Variants in RPS6KA4 observed in about 807,000 individuals in gnomAD.
RPS6KA4 encodes ribosomal protein S6 kinase A4, also known as ribosomal protein S6 kinase alpha-4.
A neutral mutation model predicts 89.6 loss-of-function variants in RPS6KA4; 38 were observed. That is an observed-to-expected ratio of 0.42 (90% CI 0.33 to 0.56). The LOEUF is 0.56. Ranked by LOEUF, RPS6KA4 falls within the 20% of genes least tolerant of loss-of-function variation. The pLI is 0.07. For synonymous variants in RPS6KA4, 495 were observed against 492.8 expected, an observed-to-expected ratio of 1.00 and a Z score of -0.06; for missense variants, 873 against 1,098.8, an observed-to-expected ratio of 0.79 and a Z score of 2.90.
chr11:64,361,053 T>C lies in RPS6KA4; in HGVS notation c.463-81T>C. ...GATGACTTTCTCTGGGGGGTCTCCT[T>C]ATCCTGAGCAGGGCCAGGAGCTGGA... On this transcript the variant is annotated intron_variant, in intron 4 of 16. Coordinates refer to ENST00000334205, the MANE Select transcript of RPS6KA4 (RefSeq NM_003942.3). The surrounding 1 kb of genome is among the most constrained non-coding windows in gnomAD (Gnocchi z 4.7). 8.2e-7 allele frequency: 1 copy of C among 1,221,054 alleles called. No homozygotes were observed. The highest frequency in any genetic ancestry group is 1.2e-6 in the Non-Finnish European group (1 of 850,954). The allele number at this position is 1,221,054 out of a possible 1,614,324, so 75.6% of individuals were successfully genotyped here.
At chr11:64,360,949 GGGC>G (rs2036729577) in intron 4 of RPS6KA4, 182 bp from the exon 5 acceptor site, 1 of 582,054 alleles carries the variant, frequency 1.7e-6, no homozygotes, top group Non-Finnish European at 3.0e-6. Context: ...CTGATCCACG[GGGC>G]CCTCCTTCTT....
chr11:64,359,172 G>A lies in RPS6KA4; in HGVS notation c.-64G>A, dbSNP rs544788623. On this transcript the variant is annotated 5_prime_UTR_variant, in exon 1 of 17. Coordinates refer to ENST00000334205, the MANE Select transcript of RPS6KA4 (RefSeq NM_003942.3). ...CACCAGGAAGCGCCCGCCCCGGCCG[G>A]AGCCGCCATGTAACCGGCGCCGCCC... 1,551 of 1,220,646 alleles carry A rather than the reference G, an allele frequency of 1.3e-3. 16 individuals carry two copies. The African/African-American group carries it at 0.023, about 18-fold the overall frequency. 75.6% of individuals were successfully genotyped at this position (1,220,646 alleles called of 1,614,324 possible).
chr11:64,371,376 A>T lies in RPS6KA4; in HGVS notation c.2215A>T (p.Thr739Ser). Residue 739 changes from threonine (T) to serine (S), a missense_variant, in exon 17 of 17, where the codon ACC (threonine) becomes TCC (serine). Coordinates refer to ENST00000334205, the MANE Select transcript of RPS6KA4 (RefSeq NM_003942.3). Reference sequence around the variant, plus strand: ...GCGGAAGCAGAAGCTGCGGAGCGCCACCGCCTCCCGCCGGGGCTCCCCTGC... The same window carrying T: ...GCGGAAGCAGAAGCTGCGGAGCGCCTCCGCCTCCCGCCGGGGCTCCCCTGC... Reference protein sequence around the residue: ...KRRKQKLRSATASRRGSPAPA... With the variant: ...KRRKQKLRSASASRRGSPAPA... The T allele has an allele frequency of 6.2e-7, 1 of 1,612,166 alleles. No homozygotes were observed. Among genetic ancestry groups the T allele is most frequent in the Non-Finnish European group, 8.5e-7 (1 of 1,179,678 alleles).
At position 64,369,743 on chromosome 11, in the gene RPS6KA4, C is replaced by T; in HGVS notation, c.1647C>T (p.Ile549=). Residue 549 remains isoleucine (I), a synonymous_variant, in exon 14 of 17, where the codon ATC becomes ATT. Transcript: ENST00000334205. ...ADDTPGAPVK[I]IDFGFARLRP... is the part of the protein sequence containing the mutation. ...ACACGCCCGGGGCCCCGGTGAAAATCATCGACTTCGGGTTCGCGCGGTTGC... is the reference window on the plus strand; with the variant it reads ...ACACGCCCGGGGCCCCGGTGAAAATTATCGACTTCGGGTTCGCGCGGTTGC... 6.2e-7 allele frequency: 1 copy of T among 1,611,476 alleles called. No individual in the cohort carries two copies. The highest frequency in any genetic ancestry group is 8.5e-7 in the Non-Finnish European group (1 of 1,179,166).
intron 2 of RPS6KA4, chr11:64,359,653 C>A: frequency 3.3e-6 from 2 of 598,042 alleles, no homozygotes; most frequent in Non-Finnish European, 5.9e-6. Context: ...CCTCCCTCCA[C>A]GGTCCTGTGC....
At position 64,371,541 on chromosome 11, in the gene RPS6KA4, C is replaced by A; in HGVS notation, c.*61C>A. Reference sequence around the variant, plus strand: ...TGTGACCTGGGAGCCCGGCTCACTCCCGGAGGCCTCTGCCTGCGGCTGACC... The same window carrying A: ...TGTGACCTGGGAGCCCGGCTCACTCACGGAGGCCTCTGCCTGCGGCTGACC... On this transcript the variant is annotated 3_prime_UTR_variant, in exon 17 of 17. Transcript: ENST00000334205. 1 of 687,730 alleles carries A rather than the reference C, an allele frequency of 1.5e-6. No homozygotes were observed. The highest frequency in any genetic ancestry group is 1.8e-5 in the South Asian group (1 of 54,706). The allele number at this position is 687,730 out of a possible 1,614,324, so 42.6% of individuals were successfully genotyped here. A position where few individuals can be genotyped will look rare whatever the true frequency, so the allele number is the denominator to read the frequency against.
chr11:64,359,257 G>A lies in RPS6KA4; in HGVS notation c.22G>A (p.Glu8Lys). 2.1e-6 allele frequency: 3 copies of A among 1,461,988 alleles called. No individual in the cohort carries two copies. Among genetic ancestry groups the A allele is most frequent in the Non-Finnish European group, 2.7e-6 (3 of 1,098,310 alleles). 90.6% of individuals were successfully genotyped at this position (1,461,988 alleles called of 1,614,324 possible). A position where few individuals can be genotyped will look rare whatever the true frequency, so the allele number is the denominator to read the frequency against. Residue 8 changes from glutamate to lysine, a missense_variant, in exon 1 of 17, where the codon GAG becomes AAG. Physicochemically the swap from Glu to Lys is moderately conservative, Grantham distance 56 (BLOSUM62 1). Transcript: ENST00000334205. Reference sequence around the variant, plus strand: ...CGCCATGGGGGACGAGGACGACGATGAGAGCTGCGCCGTGGAGCTGCGGAT... The same window carrying A: ...CGCCATGGGGGACGAGGACGACGATAAGAGCTGCGCCGTGGAGCTGCGGAT... MGDEDDD[E>K]SCAVELRITE...
intron 8 of RPS6KA4, among the ~76,000 whole-genome samples, chr11:64,364,720 G>C (rs943234879): frequency 7.1e-6 from 1 of 141,230 alleles, no homozygotes; most frequent in Non-Finnish European, 1.5e-5. Context: ...AAAGAGATTT[G>C]TTTTTCACGC....
intron 11 of RPS6KA4, 36 bp from the exon 12 acceptor site, chr11:64,368,668 C>T (rs1416700023): frequency 1.3e-6 from 2 of 1,572,464 alleles, no homozygotes; most frequent in Non-Finnish European, 1.7e-6. Flanking sequence ...GGGGCCGAAG[C>T]GCGGCGACCG....
In RPS6KA4 at chr11:64,368,198, G is replaced by A; in HGVS notation, c.1138G>A (p.Glu380Lys). Residue 380 changes from glutamate (E) to lysine (K), a missense_variant, in exon 10 of 17, where the codon GAA (glutamate) becomes AAA (lysine). This residue lies in a region of RPS6KA4 where 542 missense variants were observed against 736.4 expected (regional missense o/e 0.74). Transcript: ENST00000334205. ...CAACGCGGTGATGACCGATGGGCTG[G>A]AAGCGCCTGGTGCTGGAGACCGGCC... ...HNNAVMTDGL[E>K]APGAGDRPGR... 2 of 1,613,764 alleles carry A rather than the reference G, an allele frequency of 1.2e-6. No homozygotes were observed. The highest frequency in any genetic ancestry group is 1.7e-6 in the Non-Finnish European group (2 of 1,180,030).
intron 9 of RPS6KA4, among the ~76,000 whole-genome samples, chr11:64,366,980 C>T (rs1261318418): frequency 6.6e-6 from 1 of 152,146 alleles, no homozygotes; most frequent in East Asian, 1.9e-4. Context: ...GTCTCACAGC[C>T]CTCATGATAA....
At chr11:64,369,339 T>C in intron 12 of RPS6KA4, 107 bp from the exon 13 acceptor site, 2 of 1,168,526 alleles carry the variant, frequency 1.7e-6, no homozygotes, top group South Asian at 1.7e-5. Flanking sequence ...GAGGAGGGGG[T>C]TCTCGAACAT....
In RPS6KA4 at chr11:64,369,718, A is replaced by T. The variant is rs946014920; in HGVS notation, c.1622A>T (p.Asp541Val). The T allele has an allele frequency of 1.9e-6, 3 of 1,609,288 alleles. No individual in the cohort carries two copies. The highest frequency in any genetic ancestry group is 3.3e-5 in the Admixed American group (2 of 59,856). ...LKPENILYAD[D>V]TPGAPVKIID... is the part of the protein sequence containing the mutation. ...TCGCAGAACATCCTGTACGCCGACG[A>T]CACGCCCGGGGCCCCGGTGAAAATC... is the stretch of plus-strand genomic sequence containing the variant. The change falls in exon 14 of 17, where the codon GAC becomes GTC. Residue 541 changes from aspartate to valine, a missense_variant. Around this residue, in one of 4 missense-constraint regions of RPS6KA4, gnomAD observed 542 missense variants for 736.4 expected, o/e 0.74. Transcript: ENST00000334205.
chr11:64,371,174 C>G (rs76747691), intron 16 of RPS6KA4, 109 bp from the exon 17 acceptor site: 12 of 978,980 alleles, frequency 1.2e-5, no homozygotes, highest in African/African-American at 1.7e-5. Flanking sequence ...AAGGCCCTGT[C>G]GGCCTTGACC....
rs148245964 is a variant in RPS6KA4 at position 64,361,516 on chromosome 11, C to T, written c.618C>T (p.Pro206=). 49 of 1,613,958 alleles carry T rather than the reference C, an allele frequency of 3.0e-5. No homozygotes were observed. Among genetic ancestry groups the T allele is most frequent in the East Asian group, 6.7e-5 (3 of 44,888 alleles). ...SFCGTIEYMA[P]EIIRSKTGHG... Reference sequence around the variant, plus strand: ...GTGGCACCATCGAGTACATGGCCCCCGAAATCATCCGTAGCAAGACGGGGC... The same window carrying T: ...GTGGCACCATCGAGTACATGGCCCCTGAAATCATCCGTAGCAAGACGGGGC... The change falls in exon 6 of 17, where the codon CCC becomes CCT. Residue 206 remains proline, a synonymous_variant. Transcript: ENST00000334205. The surrounding 1 kb of genome is among the most constrained non-coding windows in gnomAD (Gnocchi z 4.7).
chr11:64,361,872 C>T lies in RPS6KA4; in HGVS notation c.776C>T (p.Pro259Leu). 6.2e-7 allele frequency: 1 copy of T among 1,612,830 alleles called. No individual in the cohort carries two copies. The highest frequency in any genetic ancestry group is 8.5e-7 in the Non-Finnish European group (1 of 1,179,834). Residue 259 changes from proline (P) to leucine (L), a missense_variant, in exon 8 of 17, where the codon CCT becomes CTT. Physicochemically the swap from Pro to Leu is moderately conservative, Grantham distance 98. This residue lies in a region of RPS6KA4 where 542 missense variants were observed against 736.4 expected (regional missense o/e 0.74). Transcript: ENST00000334205. This position sits in a 1 kb window ranked among gnomAD's most constrained non-coding sequence, Gnocchi z 4.7. ...CCCAGACGGATCCTGAAGTGCTCCCCTCCCTTCCCCCCTCGGATCGGGCCC... is the reference window on the plus strand; with the variant it reads ...CCCAGACGGATCCTGAAGTGCTCCCTTCCCTTCCCCCCTCGGATCGGGCCC... ...EVSRRILKCS[P>L]PFPPRIGPVA... is the part of the protein sequence containing the mutation.
Position 64,371,692 on chromosome 11 carries a change from C to A in RPS6KA4, c.*212C>A. On this transcript the variant is annotated 3_prime_UTR_variant, in exon 17 of 17. Coordinates refer to ENST00000334205, the MANE Select transcript of RPS6KA4 (RefSeq NM_003942.3). The stretch of plus-strand genomic sequence containing the variant: ...AGAGTTGCAGGGAAGGGGGGGCCTG[C>A]TGGGGAGTGGGGTTTGGGGGGCCCT... 1 of 483,590 alleles carries A rather than the reference C, an allele frequency of 2.1e-6. No individual in the cohort carries two copies. Among genetic ancestry groups the A allele is most frequent in the Non-Finnish European group, 3.7e-6 (1 of 273,188 alleles). 30.0% of individuals were successfully genotyped at this position (483,590 alleles called of 1,614,324 possible).
Position 64,365,219 on chromosome 11 carries a change from A to T in RPS6KA4, c.907-82A>T, listed in dbSNP as rs540346067. The T allele has an allele frequency of 1.5e-5, 23 of 1,498,142 alleles. No individual in the cohort carries two copies. In the South Asian group the frequency reaches 2.7e-4, roughly 18 times the overall value. The allele number at this position is 1,498,142 out of a possible 1,614,324, so 92.8% of individuals were successfully genotyped here. ...AGATGGGCCCTTGCCTCATGGAGGA[A>T]CTGCCCAGTGAGGGTGGGCTGAGTG... On this transcript the variant is annotated intron_variant, in intron 8 of 16. Transcript: ENST00000334205.
rs1272631416 is a variant in RPS6KA4 at position 64,365,391 on chromosome 11, GA to G, written c.998del (p.Glu333GlyfsTer42). 1 of 1,614,120 alleles carries G rather than the reference GA, an allele frequency of 6.2e-7. No homozygotes were observed. Among genetic ancestry groups the G allele is most frequent in the Non-Finnish European group, 8.5e-7 (1 of 1,180,020 alleles). ...AGAGCTGGATGTGGGCAACTTTGCG[GA>G]GGAATTCACTCGGCTGGAGCCTGTC... The part of the protein sequence containing the change: ...RSELDVGNFA[E>X]EFTRLEPVYS... On this transcript the variant is annotated frameshift_variant, in exon 9 of 17. Coordinates refer to ENST00000334205, the MANE Select transcript of RPS6KA4 (RefSeq NM_003942.3). LOFTEE classifies it high-confidence loss of function.
Sources: gnomAD v4.1 joint callset for allele counts (sites outside exome capture counted in the v4.1 genomes callset) on GRCh38, gnomAD v4.1.1 for gene constraint, gnomAD v4.1.1 regional missense constraint, Gnocchi (gnomAD v3.1) non-coding constraint, MANE v1.5 for transcripts, NCBI Gene and HGNC (gene_info 2026-07-23, HGNC 2026-07-21) for gene names.